RBM26: variants seen among roughly 807,000 people sequenced by gnomAD.
RBM26 encodes the protein RNA-binding protein 26.
RBM26 carries 30 observed loss-of-function variants against 123.6 expected under a neutral mutation model. The ratio of observed to expected loss-of-function variants is 0.24; its 90% CI spans 0.18 to 0.33. RBM26 has a LOEUF of 0.33. Ranked by LOEUF, RBM26 falls within the 10% of genes least tolerant of loss-of-function variation. RBM26 has a pLI of 1.00. For synonymous variants in RBM26, 400 were observed against 404.4 expected, an observed-to-expected ratio of 0.99 and a Z score of 0.13; for missense variants, 947 against 1,203.6, an observed-to-expected ratio of 0.79 and a Z score of 3.15.
chr13:79,354,224 G>T (rs2073677029), intron 13 of RBM26, among the ~76,000 whole-genome samples: 1 of 150,220 alleles, frequency 6.7e-6, no homozygotes, highest in Non-Finnish European at 1.5e-5. Context: ...AGGAATTTAA[G>T]ATTTAAATAC....
chr13:79,348,912 G>A (rs944940776), intron 14 of RBM26, among the ~76,000 whole-genome samples: 2 of 152,036 alleles, frequency 1.3e-5, no homozygotes, highest in Non-Finnish European at 2.9e-5. Flanking sequence ...TATCTTTTTT[G>A]TAGCTTTCAA....
In RBM26 at chr13:79,390,750, T is replaced by C. The variant is rs374800712; in HGVS notation, c.72-11843A>G. Among the ~76,000 whole-genome samples the C allele has an allele frequency of 9.2e-5, 14 of 152,202 alleles. No individual in the cohort carries two copies. In the East Asian group the frequency reaches 2.5e-3, roughly 27 times the overall value. ...AGAATCTCAATGACGGGTATGTCACTGTAAAATTCTTTCAACTTTTCTGTA... is the reference window on the plus strand; with the variant it reads ...AGAATCTCAATGACGGGTATGTCACCGTAAAATTCTTTCAACTTTTCTGTA... On this transcript the variant is annotated intron_variant, in intron 1 of 21. Coordinates refer to ENST00000438737, the MANE Select transcript of RBM26 (RefSeq NM_001366735.2).
chr13:79,395,072 A>G (rs899211311), intron 1 of RBM26, among the ~76,000 whole-genome samples: 2 of 152,220 alleles, frequency 1.3e-5, no homozygotes, highest in African/African-American at 4.8e-5. Context: ...GGCCTAACAA[A>G]AAAAAGGCAT....
intron 1 of RBM26, among the ~76,000 whole-genome samples, chr13:79,402,339 A>G (rs1012916083): frequency 6.6e-6 from 1 of 152,104 alleles, no homozygotes; most frequent in African/African-American, 2.4e-5. Context: ...ATTTTCAATA[A>G]TTTATGAAAC....
intron 1 of RBM26, among the ~76,000 whole-genome samples, chr13:79,383,837 A>G (rs2140296668): frequency 6.6e-6 from 1 of 152,360 alleles, no homozygotes; most frequent in African/African-American, 2.4e-5. Flanking sequence ...AACAAGTATT[A>G]TTTAAGATCA....
chr13:79,363,747 T>C (rs1271956601), intron 9 of RBM26, among the ~76,000 whole-genome samples: 3 of 152,284 alleles, frequency 2.0e-5, no homozygotes, highest in Non-Finnish European at 4.4e-5. Context: ...TTTGATCCCC[T>C]TGCTTCTCTT....
intron 9 of RBM26, among the ~76,000 whole-genome samples, chr13:79,364,648 C>T (rs2075066371): frequency 6.6e-6 from 1 of 151,674 alleles, no homozygotes; most frequent in South Asian, 2.1e-4. Flanking sequence ...CCCTCTGAAT[C>T]TTATTAGTTT....
intron 1 of RBM26, among the ~76,000 whole-genome samples, chr13:79,389,856 T>C (rs544006553): frequency 1.3e-5 from 2 of 152,210 alleles, no homozygotes; most frequent in Non-Finnish European, 2.9e-5. Flanking sequence ...TAAAGCACTA[T>C]TTAAACAAAG....
chr13:79,364,961 A>G (rs547882440), intron 9 of RBM26, among the ~76,000 whole-genome samples: 1 of 152,216 alleles, frequency 6.6e-6, no homozygotes, highest in South Asian at 2.1e-4. Context: ...CGTTACTCTC[A>G]AGATTACAAA....
At chr13:79,334,308 T>G in intron 20 of RBM26, 36 bp downstream of exon 20, 7 of 1,175,548 alleles carry the variant, frequency 6.0e-6, no homozygotes, top group Non-Finnish European at 8.5e-6. Flanking sequence ...TATAAATCAT[T>G]TAAATCTGAA....
intron 14 of RBM26, among the ~76,000 whole-genome samples, chr13:79,351,693 A>C (rs1415532426): frequency 1.3e-5 from 2 of 152,212 alleles, no homozygotes; most frequent in Non-Finnish European, 2.9e-5. Flanking sequence ...AAACGAGCAG[A>C]AAAGTACTCC....
At chr13:79,400,068 G>A (rs971076175) in intron 1 of RBM26, among the ~76,000 whole-genome samples, 1 of 152,124 alleles carries the variant, frequency 6.6e-6, no homozygotes, top group East Asian at 1.9e-4. Flanking sequence ...GAAAAGCTCT[G>A]AAATTCAATG....
chr13:79,371,803 T>TACATCGAA (rs960766530), intron 4 of RBM26, 39 bp downstream of exon 4: 1 of 1,357,716 alleles, frequency 7.4e-7, no homozygotes. Flanking sequence ...AAAGATAACT[T>TACATCGAA]ACATCGAAAC....
At chr13:79,318,686 G>C (rs1233277923), downstream of RBM26, 1 of 539,244 alleles carries the variant, frequency 1.9e-6, no homozygotes, top group Admixed American at 6.4e-5. Context: ...AACAGAATAT[G>C]TATTTTCAGT....
chr13:79,385,811 G>C (rs2077432487), intron 1 of RBM26, among the ~76,000 whole-genome samples: 1 of 152,068 alleles, frequency 6.6e-6, no homozygotes, highest in African/African-American at 2.4e-5. Flanking sequence ...GAATCCAGGA[G>C]TTCAAATCAT....
intron 1 of RBM26, among the ~76,000 whole-genome samples, chr13:79,394,441 G>A (rs752127392): frequency 4.6e-5 from 7 of 152,162 alleles, no homozygotes; most frequent in Middle Eastern, 3.4e-3. Context: ...GCAAATAAAC[G>A]TTGCCCTCTG....
At chr13:79,387,563 A>G (rs1169103964) in intron 1 of RBM26, among the ~76,000 whole-genome samples, 1 of 34,770 alleles carries the variant, frequency 2.9e-5, no homozygotes, top group Non-Finnish European at 6.7e-5. Context: ...TTACTCATTT[A>G]AAAAAAAAAA....
chr13:79,360,960 T>G (rs968967680), intron 9 of RBM26, among the ~76,000 whole-genome samples: 9 of 152,082 alleles, frequency 5.9e-5, no homozygotes, highest in Admixed American at 6.6e-5. Flanking sequence ...TCTAAACACC[T>G]AACTAACCAA....
chr13:79,342,582 TA>T, intron 17 of RBM26, 81 bp downstream of exon 17: 1 of 1,145,880 alleles, frequency 8.7e-7, no homozygotes, highest in Non-Finnish European at 1.3e-6. Context: ...AGATATTACC[TA>T]CAAGAAAAAC....
Sources: gnomAD v4.1 joint callset for allele counts (sites outside exome capture counted in the v4.1 genomes callset) on GRCh38, gnomAD v4.1.1 for gene constraint, MANE v1.5 for transcripts, NCBI Gene and HGNC (gene_info 2026-07-23, HGNC 2026-07-21) for gene names.